The following SUPT3H variants were observed in gnomAD, a reference collection of about 807,000 sequenced individuals.
The protein encoded by SUPT3H is transcription initiation protein SPT3 homolog.
A neutral mutation model predicts 44.3 loss-of-function variants in SUPT3H; 44 were observed. The ratio of observed to expected loss-of-function variants is 0.99; its 90% CI spans 0.78 to 1.28. The LOEUF (loss-of-function observed/expected upper bound fraction) is 1.28. Among genes scored for constraint, SUPT3H ranks in the 50% most tolerant of loss-of-function variants. The pLI is 0.00. For missense variants in SUPT3H, 380 were observed against 387.1 expected, an observed-to-expected ratio of 0.98 and a Z score of 0.15; for synonymous variants, 124 against 125.6, an observed-to-expected ratio of 0.99 and a Z score of 0.09.
At chr6:45,069,516 A>T (rs1488005036) in intron 3 of SUPT3H, among the ~76,000 whole-genome samples, 1 of 152,166 alleles carries the variant, frequency 6.6e-6, no homozygotes, top group Non-Finnish European at 1.5e-5. Context: ...GCTTGGTTTA[A>T]AAAGTGTTTT....
At chr6:45,273,066 T>C (rs748530639) in intron 2 of SUPT3H, among the ~76,000 whole-genome samples, 2 of 152,256 alleles carry the variant, frequency 1.3e-5, no homozygotes, top group Non-Finnish European at 2.9e-5. Flanking sequence ...GAAAGCTCTG[T>C]TCTTGTCTGC....
chr6:44,870,247 C>G (rs916709739), intron 10 of SUPT3H, among the ~76,000 whole-genome samples: 1 of 152,146 alleles, frequency 6.6e-6, no homozygotes, highest in African/African-American at 2.4e-5. Flanking sequence ...ATACAGAGCA[C>G]AGCAAGAGTT....
At chr6:45,132,216 TAAAATTAAA>T (rs1803579844) in intron 2 of SUPT3H, among the ~76,000 whole-genome samples, 1 of 152,154 alleles carries the variant, frequency 6.6e-6, no homozygotes, top group African/African-American at 2.4e-5. Context: ...AGAATTCCTA[TAAAATTAAA>T]TCTCTGCATT....
chr6:45,070,607 A>C (rs1346677223), intron 3 of SUPT3H, among the ~76,000 whole-genome samples: 3 of 151,860 alleles, frequency 2.0e-5, no homozygotes, highest in Non-Finnish European at 4.4e-5. Flanking sequence ...CGGGCATGGC[A>C]GCACGCGCCT....
chr6:45,110,138 A>G (rs1180409351), intron 2 of SUPT3H, among the ~76,000 whole-genome samples: 1 of 152,156 alleles, frequency 6.6e-6, no homozygotes, highest in African/African-American at 2.4e-5. Context: ...CAACTTAATA[A>G]TGATTGGGGC....
At chr6:45,258,587 A>G (rs17288264) in intron 2 of SUPT3H, among the ~76,000 whole-genome samples, 29 of 152,206 alleles carry the variant, frequency 1.9e-4, no homozygotes, top group Admixed American at 1.1e-3. Flanking sequence ...TGTTATTTGC[A>G]TAAGTATGAG....
chr6:44,971,467 G>A (rs763144324), intron 6 of SUPT3H, among the ~76,000 whole-genome samples: 23 of 152,102 alleles, frequency 1.5e-4, no homozygotes, highest in Non-Finnish European at 3.1e-4. Flanking sequence ...CCTTCTTCAC[G>A]TGATGGCAGG....
In SUPT3H at chr6:45,330,425, A is replaced by G. The variant is rs187942715; in HGVS notation, c.101+34776T>C. On this transcript the variant is annotated intron_variant, in intron 2 of 10. Transcript: ENST00000371459. The stretch of plus-strand genomic sequence containing the variant: ...ATAACTTGAAACAGGGATAACAGAG[A>G]TATCAGGGAGGGATAACAGAGGCAG... Among the ~76,000 whole-genome samples, 116 of 152,112 alleles carry G rather than the reference A, an allele frequency of 7.6e-4. 1 individual carries two copies. Among genetic ancestry groups the G allele is most frequent in the Non-Finnish European group, 2.2e-4 (15 of 67,956 alleles).
At chr6:44,931,766 C>T (rs148188441) in intron 10 of SUPT3H, among the ~76,000 whole-genome samples, 3 of 151,924 alleles carry the variant, frequency 2.0e-5, no homozygotes, top group Admixed American at 1.3e-4. Flanking sequence ...TTCTATTTAA[C>T]TAAACATAAG....
chr6:45,173,611 A>G (rs1811189722), intron 2 of SUPT3H, among the ~76,000 whole-genome samples: 1 of 152,226 alleles, frequency 6.6e-6, no homozygotes, highest in South Asian at 2.1e-4. Context: ...TAGTAGATGC[A>G]GAAGTTTGAT....
At chr6:45,039,360 A>C (rs1788160466) in intron 3 of SUPT3H, among the ~76,000 whole-genome samples, 1 of 152,190 alleles carries the variant, frequency 6.6e-6, no homozygotes, top group South Asian at 2.1e-4. Flanking sequence ...ATAGGCTTTA[A>C]ACAAAAAATC....
intron 2 of SUPT3H, among the ~76,000 whole-genome samples, chr6:45,271,715 G>A (rs1288965646): frequency 1.3e-5 from 2 of 151,480 alleles, no homozygotes; most frequent in Admixed American, 1.3e-4. Flanking sequence ...TGTGAGAAGA[G>A]GGCCACCATC....
At chr6:45,164,846 A>T (rs1440562203) in intron 2 of SUPT3H, among the ~76,000 whole-genome samples, 6 of 152,138 alleles carry the variant, frequency 3.9e-5, no homozygotes, top group Non-Finnish European at 8.8e-5. Context: ...GAGATCCACA[A>T]TAACTGTTCT....
intron 2 of SUPT3H, among the ~76,000 whole-genome samples, chr6:45,202,276 T>G (rs1762558286): frequency 6.6e-6 from 1 of 151,960 alleles, no homozygotes; most frequent in African/African-American, 2.4e-5. Context: ...TGATGATACC[T>G]TCCTTGGAAC....
At chr6:45,266,695 A>T (rs936103962) in intron 2 of SUPT3H, among the ~76,000 whole-genome samples, 7 of 152,136 alleles carry the variant, frequency 4.6e-5, no homozygotes, top group Non-Finnish European at 8.8e-5. Context: ...AATCTGCCTT[A>T]TATTCAGAGA....
At chr6:45,358,047 T>G (rs1294226139) in intron 2 of SUPT3H, among the ~76,000 whole-genome samples, 2 of 151,392 alleles carry the variant, frequency 1.3e-5, no homozygotes, top group Non-Finnish European at 2.9e-5. Flanking sequence ...ATTAACATCT[T>G]CAAAGCTATA....
intron 2 of SUPT3H, among the ~76,000 whole-genome samples, chr6:45,296,058 A>C (rs760564858): frequency 7.9e-5 from 12 of 152,120 alleles, no homozygotes; most frequent in Non-Finnish European, 1.8e-4. Flanking sequence ...AACTGCAAAA[A>C]CATGGAATCA....
chr6:45,192,350 T>G (rs970872125), intron 2 of SUPT3H, among the ~76,000 whole-genome samples: 1 of 152,030 alleles, frequency 6.6e-6, no homozygotes, highest in African/African-American at 2.4e-5. Flanking sequence ...AAAACGAAAC[T>G]GTTTGAAAAA....
downstream of SUPT3H, among the ~76,000 whole-genome samples, chr6:44,822,685 T>C (rs1199462818): frequency 2.0e-5 from 3 of 152,216 alleles, no homozygotes; most frequent in Admixed American, 6.5e-5. Context: ...AATTGGTTTT[T>C]CTGAGACATT....
Sources: allele counts gnomAD v4.1 joint callset (sites outside exome capture counted in the v4.1 genomes callset), GRCh38; gene constraint gnomAD v4.1.1; transcripts MANE v1.5; gene names NCBI Gene and HGNC (gene_info 2026-07-23, HGNC 2026-07-21).